MCTP1: variants seen among roughly 807,000 people sequenced by gnomAD.
MCTP1 encodes the protein multiple C2 and transmembrane domain-containing protein 1.
MCTP1 carries 69 observed loss-of-function variants against 120.6 expected under a neutral mutation model. That is an observed-to-expected ratio of 0.57 (90% CI 0.47 to 0.70). MCTP1 has a LOEUF of 0.70. Among genes scored for constraint, MCTP1 ranks in the 30% least tolerant of loss-of-function variants. The probability of loss-of-function intolerance (pLI) is 0.00; values close to 1 mark genes in which losing one functional copy is unlikely to be tolerated. For synonymous variants in MCTP1, 529 were observed against 493.1 expected (o/e 1.07, Z -0.96); for missense variants, 1,203 against 1,248.8 (o/e 0.96, Z 0.55).
At position 94,812,896 on chromosome 5, in the gene MCTP1, T is replaced by TTCTCTCTCTC. The variant is rs70978132; in HGVS notation, c.2437-13774_2437-13765dup. ...ATTCACAGACACAACACCAAAAGCA[T>TTCTCTCTCTC]TCTCTCTCTCTCTCTCTCTCTCTCT... On this transcript the variant is annotated intron_variant, in intron 17 of 22. Transcript: ENST00000515393. 2.7e-5 allele frequency among the ~76,000 whole-genome samples: 4 copies of TTCTCTCTCTC among 147,324 alleles called. No individual in the cohort carries two copies. The South Asian group carries it at 8.8e-4, about 32-fold the overall frequency.
chr5:94,795,952 AG>A (rs1779915571), intron 18 of MCTP1, among the ~76,000 whole-genome samples: 1 of 152,230 alleles, frequency 6.6e-6, no homozygotes, highest in Non-Finnish European at 1.5e-5. Flanking sequence ...GTGGGGAAAA[AG>A]GTATAGGGGT....
intron 2 of MCTP1, among the ~76,000 whole-genome samples, chr5:94,953,850 T>TATATATATGCATATATATAA: frequency 2.2e-5 from 1 of 44,884 alleles, no homozygotes; most frequent in Non-Finnish European, 4.3e-5. Context: ...TATACACAAC[T>TATATATATGCATATATATAA]ATATATATGC....
chr5:94,995,792 C>T (rs945302851), intron 2 of MCTP1, among the ~76,000 whole-genome samples: 2 of 151,974 alleles, frequency 1.3e-5, no homozygotes. Flanking sequence ...GCAAAAGCTC[C>T]CCACCCCCAC....
chr5:95,201,463 G>GTTTTTTTTTTTTTTTTTTTTTTTTT (rs1562232022), intron 1 of MCTP1, among the ~76,000 whole-genome samples: 3 of 120,682 alleles, frequency 2.5e-5, no homozygotes, highest in African/African-American at 6.0e-5. Flanking sequence ...AAGGAAAAGT[G>GTTTTTTTTTTTTTTTTTTTTTTTTT]GTTTTTTTTT....
At chr5:94,910,929 CTG>C (rs1808397661) in intron 9 of MCTP1, among the ~76,000 whole-genome samples, 1 of 152,100 alleles carries the variant, frequency 6.6e-6, no homozygotes, top group African/African-American at 2.4e-5. Flanking sequence ...GGGGTGTGGT[CTG>C]TCTTTACTTA....
At chr5:95,034,467 A>C (rs548171531) in intron 1 of MCTP1, among the ~76,000 whole-genome samples, 1 of 152,170 alleles carries the variant, frequency 6.6e-6, no homozygotes, top group Non-Finnish European at 1.5e-5. Flanking sequence ...AAAATAAGCA[A>C]TGGGGAAAGA....
In MCTP1 at chr5:95,232,494, T is replaced by G. The variant is rs1474301013; in HGVS notation, c.720+51362A>C. On this transcript the variant is annotated intron_variant, in intron 1 of 22. Coordinates refer to ENST00000515393, the MANE Select transcript of MCTP1 (RefSeq NM_024717.7). Reference sequence around the variant, plus strand: ...TTTTTTTTGAGACGGAGTCTCCCTCTGTCGCCCAGGCTGGAATGCAGTGGC... The same window carrying G: ...TTTTTTTTGAGACGGAGTCTCCCTCGGTCGCCCAGGCTGGAATGCAGTGGC... 4.0e-5 allele frequency among the ~76,000 whole-genome samples: 6 copies of G among 150,688 alleles called. No individual in the cohort carries two copies. The South Asian group carries it at 1.3e-3, about 32-fold the overall frequency.
intron 1 of MCTP1, among the ~76,000 whole-genome samples, chr5:95,272,823 G>A (rs1416235182): frequency 6.6e-6 from 1 of 152,134 alleles, no homozygotes; most frequent in Admixed American, 6.5e-5. Flanking sequence ...GGGCCAAAGG[G>A]AGCAGAGAGA....
chr5:95,166,568 ATTTTT>A (rs34176318), intron 1 of MCTP1, among the ~76,000 whole-genome samples: 1 of 125,126 alleles, frequency 8.0e-6, no homozygotes, highest in Non-Finnish European at 1.6e-5. Context: ...AATTTTAATC[ATTTTT>A]TTTTTTTTTT....
In MCTP1 at chr5:94,873,201, A is replaced by G; in HGVS notation, c.1974T>C (p.Asp658=). The G allele has an allele frequency of 6.2e-7, 1 of 1,611,260 alleles. No homozygotes were observed. Among genetic ancestry groups the G allele is most frequent in the East Asian group, 2.2e-5 (1 of 44,758 alleles). The change falls in exon 13 of 23, where the codon GAT becomes GAC. Residue 658 remains aspartate (D), a synonymous_variant. Transcript: ENST00000515393. ...TGTAGACAGTATGTGTTAGCAGTCT[A>G]TCGTTGTTCAGTTCTACCACACAAA... The part of the protein sequence containing the change: ...DPFCVVELNN[D]RLLTHTVYKN...
intron 19 of MCTP1, among the ~76,000 whole-genome samples, chr5:94,733,823 G>T (rs961729598): frequency 6.6e-6 from 1 of 151,942 alleles, no homozygotes; most frequent in African/African-American, 2.4e-5. Flanking sequence ...AATTAGCCGG[G>T]CGTGGTGGCG....
intron 16 of MCTP1, 61 bp from the exon 17 acceptor site, chr5:94,868,513 CA>C (rs1581115799): frequency 7.9e-7 from 1 of 1,263,566 alleles, no homozygotes; most frequent in Non-Finnish European, 1.1e-6. Flanking sequence ...AGATATACTG[CA>C]AAATTCTTCA....
rs748053868 is a variant in MCTP1 at position 94,917,985 on chromosome 5, T to C, written c.1273-12A>G. Reference sequence around the variant, plus strand: ...GGCCTGCCGCACGTCTGGATGGAAATGAATGATCAGAGCTGTACGGGGAAG... The same window carrying C: ...GGCCTGCCGCACGTCTGGATGGAAACGAATGATCAGAGCTGTACGGGGAAG... On this transcript the variant is annotated splice_polypyrimidine_tract_variant and intron_variant, in intron 7 of 22. Transcript: ENST00000515393. 1.8e-5 allele frequency: 29 copies of C among 1,611,260 alleles called. No homozygotes were observed. Among genetic ancestry groups the C allele is most frequent in the Non-Finnish European group, 2.4e-5 (28 of 1,177,496 alleles).
chr5:94,962,467 TATATC>T (rs1824513476), intron 2 of MCTP1, among the ~76,000 whole-genome samples: 2 of 150,166 alleles, frequency 1.3e-5, no homozygotes, highest in Non-Finnish European at 3.0e-5. Context: ...ATTGTATTTA[TATATC>T]ATATATTGTA....
At chr5:94,922,838 A>G (rs1315715879) in intron 7 of MCTP1, among the ~76,000 whole-genome samples, 1 of 152,180 alleles carries the variant, frequency 6.6e-6, no homozygotes, top group African/African-American at 2.4e-5. Flanking sequence ...TCATGGAACA[A>G]TTTAAAAGCA....
At chr5:95,261,733 G>A (rs1758487114) in intron 1 of MCTP1, among the ~76,000 whole-genome samples, 1 of 152,266 alleles carries the variant, frequency 6.6e-6, no homozygotes, top group African/African-American at 2.4e-5. Flanking sequence ...ATTCAACAAT[G>A]ATGTCAATCA....
rs998659661 is a variant in MCTP1, at chr5:94,704,608, A to G, written c.*2888T>C. The G allele has an allele frequency of 6.6e-6, 1 of 151,336 alleles. No homozygotes were observed. The highest frequency in any genetic ancestry group is 1.5e-5 in the Non-Finnish European group (1 of 67,598). The allele number at this position is 151,336 out of a possible 1,614,324, so 9.4% of individuals were successfully genotyped here. The stretch of plus-strand genomic sequence containing the variant: ...TTATAAAAGATAATTTTAGAAATGT[A>G]TCAATTAAATTTGGCTCTCACTGTA... On this transcript the variant is annotated 3_prime_UTR_variant, in exon 23 of 23. Coordinates refer to ENST00000515393, the MANE Select transcript of MCTP1 (RefSeq NM_024717.7).
Position 94,894,839 on chromosome 5 carries a change from G to A in MCTP1, c.1653-4C>T, listed in dbSNP as rs1337212157. The stretch of plus-strand genomic sequence containing the variant: ...GGCTGACAGGTCGACCTGGCACCTA[G>A]AGACAAATGTTTTGAATCAGCAAGT... On this transcript the variant is annotated splice_region_variant and splice_polypyrimidine_tract_variant and intron_variant, in intron 10 of 22. Transcript: ENST00000515393. 2.6e-6 allele frequency: 4 copies of A among 1,523,380 alleles called. No individual in the cohort carries two copies. The highest frequency in any genetic ancestry group is 2.7e-6 in the Non-Finnish European group (3 of 1,127,650). The allele number at this position is 1,523,380 out of a possible 1,614,324, so 94.4% of individuals were successfully genotyped here.
intron 1 of MCTP1, among the ~76,000 whole-genome samples, chr5:95,050,338 G>T (rs990284884): frequency 1.3e-5 from 2 of 152,060 alleles, no homozygotes; most frequent in African/African-American, 4.8e-5. Flanking sequence ...TTACTAAAAA[G>T]AATATTTGTT....
Sources: gnomAD v4.1 joint callset for allele counts (sites outside exome capture counted in the v4.1 genomes callset) on GRCh38, gnomAD v4.1.1 for gene constraint, MANE v1.5 for transcripts, NCBI Gene and HGNC (gene_info 2026-07-23, HGNC 2026-07-21) for gene names.